The following PHKB variants were observed in gnomAD, a reference collection of about 807,000 sequenced individuals.
PHKB encodes phosphorylase b kinase regulatory subunit beta.
Under a neutral mutation model 152.1 loss-of-function variants are expected in PHKB, and 122 were observed. The ratio of observed to expected loss-of-function variants is 0.80; its 90% CI spans 0.69 to 0.93. The LOEUF is 0.93. Ranked by LOEUF, PHKB falls within the 40% of genes least tolerant of loss-of-function variation. The pLI is 0.00. For synonymous variants in PHKB, 436 were observed against 464.9 expected, an observed-to-expected ratio of 0.94 and a Z score of 0.80; for missense variants, 1,304 against 1,328.4, an observed-to-expected ratio of 0.98 and a Z score of 0.29.
At chr16:47,487,948 A>G (rs980179004) in intron 1 of PHKB, among the ~76,000 whole-genome samples, 2 of 152,192 alleles carry the variant, frequency 1.3e-5, no homozygotes, top group Admixed American at 1.3e-4. Flanking sequence ...TCCTTTGAGT[A>G]TATACTCAGT....
chr16:47,556,949 C>T (rs1055788638), intron 7 of PHKB, among the ~76,000 whole-genome samples: 1 of 152,132 alleles, frequency 6.6e-6, no homozygotes, highest in Non-Finnish European at 1.5e-5. Flanking sequence ...ATTTCAGATC[C>T]TGTTATTGGT....
intron 10 of PHKB, among the ~76,000 whole-genome samples, chr16:47,592,354 C>G (rs551842853): frequency 2.0e-5 from 3 of 152,370 alleles, no homozygotes; most frequent in East Asian, 3.9e-4. Flanking sequence ...AAGGCCCTTC[C>G]CGATCTGGCT....
intron 1 of PHKB, among the ~76,000 whole-genome samples, chr16:47,483,726 T>C (rs928488336): frequency 7.2e-5 from 11 of 152,176 alleles, no homozygotes; most frequent in African/African-American, 2.7e-4. Flanking sequence ...TGAATTACCT[T>C]ATAGTTATAG....
intron 1 of PHKB, among the ~76,000 whole-genome samples, chr16:47,489,702 G>A (rs1970113484): frequency 6.6e-6 from 1 of 152,204 alleles, no homozygotes; most frequent in South Asian, 2.1e-4. Context: ...CACTGTACAA[G>A]AACTGCGTAG....
intron 25 of PHKB, chr16:47,665,925 C>G: frequency 1.3e-6 from 2 of 1,593,908 alleles, no homozygotes; most frequent in South Asian, 1.1e-5. Context: ...CTGGCCTGCT[C>G]TCTTCTTTGC....
intron 6 of PHKB, among the ~76,000 whole-genome samples, chr16:47,544,037 A>G (rs546616833): frequency 1.3e-5 from 2 of 152,272 alleles, no homozygotes; most frequent in African/African-American, 2.4e-5. Context: ...TCAAAAAACC[A>G]GCTCCTGGAT....
In PHKB at chr16:47,699,394, GAC is replaced by G. The variant is rs767514583; in HGVS notation, c.*32_*33del. ...GGGAAGGTGTAGGAAGCTCTGTTGAGACACATGTTCTGAAGTGTGTTGTGTTT... is the reference window on the plus strand; with the variant it reads ...GGGAAGGTGTAGGAAGCTCTGTTGAGACATGTTCTGAAGTGTGTTGTGTTT... On this transcript the variant is annotated 3_prime_UTR_variant, in exon 31 of 31. Coordinates refer to ENST00000323584, the MANE Select transcript of PHKB (RefSeq NM_000293.3). The G allele has an allele frequency of 3.8e-5, 62 of 1,613,002 alleles. No homozygotes were observed. The highest frequency in any genetic ancestry group is 5.3e-5 in the Non-Finnish European group (62 of 1,178,958).
rs138071587 is a variant in PHKB, at chr16:47,461,375, G to A, written c.25G>A (p.Ala9Thr). Residue 9 changes from alanine (A) to threonine (T), a missense_variant, in exon 1 of 31, where the codon GCA (alanine) becomes ACA (threonine). Physicochemically the swap from Ala to Thr is moderately conservative, Grantham distance 58. Coordinates refer to ENST00000323584, the MANE Select transcript of PHKB (RefSeq NM_000293.3). MAGAAGLTAEVSWKVLERR... is the reference protein window; with the variant it reads MAGAAGLTTEVSWKVLERR... ...GATGGCGGGGGCGGCGGGACTCACG[G>A]CAGAAGTGAGCTGGAAGGTCTTGGA... The A allele has an allele frequency of 1.7e-5, 27 of 1,612,370 alleles. No homozygotes were observed. Among genetic ancestry groups the A allele is most frequent in the African/African-American group, 1.2e-4 (9 of 74,892 alleles).
chr16:47,642,794 C>T (rs1973048321), intron 16 of PHKB, among the ~76,000 whole-genome samples: 2 of 152,050 alleles, frequency 1.3e-5, no homozygotes, highest in Admixed American at 1.3e-4. Context: ...TAAATTTAAC[C>T]ACCACTACCC....
At chr16:47,482,626 A>G (rs544002310) in intron 1 of PHKB, among the ~76,000 whole-genome samples, 1 of 152,344 alleles carries the variant, frequency 6.6e-6, no homozygotes, top group South Asian at 2.1e-4. Flanking sequence ...GAATGACTTG[A>G]AAGTATTACT....
chr16:47,488,613 A>G (rs1271886547), intron 1 of PHKB, among the ~76,000 whole-genome samples: 1 of 152,162 alleles, frequency 6.6e-6, no homozygotes, highest in East Asian at 1.9e-4. Context: ...CTATGAGCTG[A>G]TTTTTATACA....
intron 8 of PHKB, among the ~76,000 whole-genome samples, chr16:47,583,962 G>A (rs892110116): frequency 1.3e-5 from 2 of 151,510 alleles, no homozygotes; most frequent in Admixed American, 1.3e-4. Flanking sequence ...TATTTTTACG[G>A]GCAGTTGTTG....
At chr16:47,615,087 C>A (rs1188977782) in intron 14 of PHKB, among the ~76,000 whole-genome samples, 2 of 152,144 alleles carry the variant, frequency 1.3e-5, no homozygotes, top group East Asian at 3.9e-4. Context: ...ATGAGAAATT[C>A]CCTGTCAGTT....
At chr16:47,597,413 A>G (rs1375423358) in intron 13 of PHKB, among the ~76,000 whole-genome samples, 1 of 152,178 alleles carries the variant, frequency 6.6e-6, no homozygotes, top group Non-Finnish European at 1.5e-5. Context: ...TGAGCTTTAC[A>G]TAAAATGATA....
At chr16:47,547,576 T>C (rs1185935137) in intron 7 of PHKB, 28 bp downstream of exon 7, 1 of 1,244,366 alleles carries the variant, frequency 8.0e-7, no homozygotes, top group Admixed American at 1.7e-5. Context: ...GAGGTTTTTT[T>C]TTTAAATTAA....
At chr16:47,551,377 G>A (rs1042338360) in intron 7 of PHKB, among the ~76,000 whole-genome samples, 4 of 152,028 alleles carry the variant, frequency 2.6e-5, no homozygotes, top group Admixed American at 2.6e-4. Flanking sequence ...CTCTAAACAC[G>A]GCTTTAGCTG....
intron 5 of PHKB, among the ~76,000 whole-genome samples, chr16:47,514,902 A>G (rs1245463926): frequency 6.6e-6 from 1 of 152,226 alleles, no homozygotes; most frequent in Non-Finnish European, 1.5e-5. Context: ...TGTTCATAAA[A>G]CTAATTTGTT....
At chr16:47,696,932 C>T (rs1974158771) in intron 29 of PHKB, among the ~76,000 whole-genome samples, 1 of 152,220 alleles carries the variant, frequency 6.6e-6, no homozygotes. Context: ...CCCACACTCA[C>T]TAGCAAGAGA....
At chr16:47,573,353 C>T (rs1032490294) in intron 7 of PHKB, among the ~76,000 whole-genome samples, 4 of 152,198 alleles carry the variant, frequency 2.6e-5, no homozygotes, top group South Asian at 2.1e-4. Context: ...CAAGTCCTCA[C>T]TCTGGCTCAC....
Sources: allele counts gnomAD v4.1 joint callset (sites outside exome capture counted in the v4.1 genomes callset), GRCh38; gene constraint gnomAD v4.1.1; transcripts MANE v1.5; gene names NCBI Gene and HGNC (gene_info 2026-07-23, HGNC 2026-07-21).